The following STX18 variants were observed in gnomAD, a reference collection of about 807,000 sequenced individuals.
The protein encoded by STX18 is syntaxin 18.
Under a neutral mutation model 50.1 loss-of-function variants are expected in STX18, and 40 were observed. That is an observed-to-expected ratio of 0.80 (90% confidence interval 0.62 to 1.04). STX18 has a LOEUF of 1.04. STX18 is among the 50% of genes least tolerant of loss of function. The pLI is 0.00. For synonymous variants in STX18, 158 were observed against 151.8 expected, an observed-to-expected ratio of 1.04 and a Z score of -0.30; for missense variants, 410 against 415.8, an observed-to-expected ratio of 0.99 and a Z score of 0.12.
intron 1 of STX18, among the ~76,000 whole-genome samples, chr4:4,519,163 C>G (rs1315649956): frequency 6.6e-6 from 1 of 152,082 alleles, no homozygotes; most frequent in Non-Finnish European, 1.5e-5. Flanking sequence ...CATGATAAAG[C>G]TGACAAAAAG....
At chr4:4,422,773 T>A (rs980639202) in intron 9 of STX18, among the ~76,000 whole-genome samples, 7 of 152,314 alleles carry the variant, frequency 4.6e-5, no homozygotes, top group South Asian at 2.1e-4. Flanking sequence ...GTACCTCATT[T>A]ACAATGATTT....
chr4:4,468,402 G>T (rs1401241996), intron 2 of STX18, among the ~76,000 whole-genome samples: 1 of 152,070 alleles, frequency 6.6e-6, no homozygotes, highest in Non-Finnish European at 1.5e-5. Flanking sequence ...ACCTCAAGGC[G>T]GGTAGTCTAC....
At chr4:4,488,759 A>G (rs1183052435) in intron 1 of STX18, among the ~76,000 whole-genome samples, 4 of 152,216 alleles carry the variant, frequency 2.6e-5, no homozygotes, top group Admixed American at 2.0e-4. Context: ...TGAAACTCAA[A>G]AGAGCAAGTA....
chr4:4,529,413 G>T (rs1042774187), intron 1 of STX18, among the ~76,000 whole-genome samples: 1 of 152,210 alleles, frequency 6.6e-6, no homozygotes, highest in African/African-American at 2.4e-5. Context: ...AAAGAAAAAG[G>T]TTGGTTTGGA....
chr4:4,472,711 A>AG (rs771349226), intron 1 of STX18, among the ~76,000 whole-genome samples: 1 of 152,144 alleles, frequency 6.6e-6, no homozygotes, highest in Non-Finnish European at 1.5e-5. Flanking sequence ...GAACTATGCA[A>AG]GGAGGGGCTG....
intron 5 of STX18, among the ~76,000 whole-genome samples, chr4:4,448,610 G>A (rs370239328): frequency 2.0e-5 from 3 of 152,294 alleles, no homozygotes; most frequent in African/African-American, 7.2e-5. Flanking sequence ...CCAAAGTGCT[G>A]GGATTACAGG....
chr4:4,519,896 G>A (rs1413509293), intron 1 of STX18, among the ~76,000 whole-genome samples: 1 of 152,086 alleles, frequency 6.6e-6, no homozygotes, highest in Non-Finnish European at 1.5e-5. Context: ...GCTAAGTCAG[G>A]CATGATACTG....
chr4:4,503,160 C>T (rs189967170), intron 1 of STX18, among the ~76,000 whole-genome samples: 34 of 152,272 alleles, frequency 2.2e-4, no homozygotes, highest in Non-Finnish European at 4.1e-4. Context: ...CCAAGAACTG[C>T]GTGGGGTGGC....
At chr4:4,506,950 A>G (rs1729737373) in intron 1 of STX18, 4 of 327,594 alleles carry the variant, frequency 1.2e-5, no homozygotes, top group African/African-American at 2.2e-5. Context: ...GGACTATTGT[A>G]CATAAAATGC....
chr4:4,428,417 T>C (rs6446645), intron 7 of STX18, among the ~76,000 whole-genome samples: 48,175 of 152,126 alleles, frequency 0.32, 9,821 homozygotes, highest in African/African-American at 0.58. Flanking sequence ...TCTGTCTTTG[T>C]CACTAAAATG....
At chr4:4,495,172 G>C (rs1435072049) in intron 1 of STX18, among the ~76,000 whole-genome samples, 1 of 152,170 alleles carries the variant, frequency 6.6e-6, no homozygotes, top group East Asian at 1.9e-4. Flanking sequence ...TGTAAAATAG[G>C]AAAGATATAG....
At chr4:4,518,147 C>CTATTA (rs1730366019) in intron 1 of STX18, among the ~76,000 whole-genome samples, 1 of 152,156 alleles carries the variant, frequency 6.6e-6, no homozygotes, top group Non-Finnish European at 1.5e-5. Flanking sequence ...AAACTTAAAT[C>CTATTA]TATTATAAAT....
At chr4:4,537,122 C>T (rs958388643) in intron 1 of STX18, among the ~76,000 whole-genome samples, 1 of 152,160 alleles carries the variant, frequency 6.6e-6, no homozygotes, top group Non-Finnish European at 1.5e-5. Context: ...TGGTAGCCCC[C>T]CCTGGCTCCT....
intron 1 of STX18, among the ~76,000 whole-genome samples, chr4:4,524,840 A>C (rs76203443): frequency 9.2e-5 from 14 of 152,346 alleles, no homozygotes; most frequent in Non-Finnish European, 5.9e-5. Flanking sequence ...CTGATAAAGC[A>C]AGTTAGTGTT....
intron 7 of STX18, among the ~76,000 whole-genome samples, chr4:4,433,496 C>T (rs1234300049): frequency 2.2e-5 from 3 of 136,572 alleles, no homozygotes; most frequent in East Asian, 2.0e-4. Context: ...TACCCCTCTG[C>T]GAGAAACACC....
At position 4,533,020 on chromosome 4, in the gene STX18, T is replaced by C. The variant is rs1039535415; in HGVS notation, c.168+8777A>G. Among the ~76,000 whole-genome samples, 117 of 152,228 alleles carry C rather than the reference T, an allele frequency of 7.7e-4. 6 individuals carry two copies. The highest frequency in any genetic ancestry group is 1.9e-4 in the East Asian group (1 of 5,190). The stretch of plus-strand genomic sequence containing the variant: ...CAGACATATGTTAGATGGTGATAAG[T>C]AGAAGCTGGCAAACTTTAGTATTCA... On this transcript the variant is annotated intron_variant, in intron 1 of 10. Transcript: ENST00000306200.
At position 4,429,723 on chromosome 4, in the gene STX18, T is replaced by G. The variant is rs1395276975; in HGVS notation, c.703-4501A>C. Among the ~76,000 whole-genome samples, 3 of 152,220 alleles carry G rather than the reference T, an allele frequency of 2.0e-5. No individual in the cohort carries two copies. The East Asian group carries it at 5.8e-4, about 29-fold the overall frequency. ...TGGAAGCCAGCATTTGCTGTGCCCC[T>G]GTAAACCTGGAACCTCCCCAGGGTC... On this transcript the variant is annotated intron_variant, in intron 7 of 10. Coordinates refer to ENST00000306200, the MANE Select transcript of STX18 (RefSeq NM_016930.4).
intron 1 of STX18, among the ~76,000 whole-genome samples, chr4:4,479,536 C>T (rs947113567): frequency 4.6e-5 from 7 of 152,218 alleles, no homozygotes; most frequent in African/African-American, 1.7e-4. Flanking sequence ...CAGCCAGGCT[C>T]TGGCTCCTTC....
chr4:4,420,991 A>C lies in STX18; in HGVS notation c.832-47T>G. 20 of 1,580,952 alleles carry C rather than the reference A, an allele frequency of 1.3e-5. No individual in the cohort carries two copies. The highest frequency in any genetic ancestry group is 1.7e-5 in the Non-Finnish European group (20 of 1,151,444). On this transcript the variant is annotated intron_variant, in intron 9 of 10. Coordinates refer to ENST00000306200, the MANE Select transcript of STX18 (RefSeq NM_016930.4). This position sits in a 1 kb window ranked among gnomAD's most constrained non-coding sequence, Gnocchi z 4.3. ...CAAGTTGAGTATCCTTTATCCAAAA[A>C]CCTGAAACCCAAAATGCTCCAACGA...
Sources: gnomAD v4.1 joint callset for allele counts (sites outside exome capture counted in the v4.1 genomes callset) on GRCh38, gnomAD v4.1.1 for gene constraint, Gnocchi (gnomAD v3.1) non-coding constraint, MANE v1.5 for transcripts, NCBI Gene and HGNC (gene_info 2026-07-23, HGNC 2026-07-21) for gene names.